ROBO2: variants seen among roughly 807,000 people sequenced by gnomAD.
The protein encoded by ROBO2 is roundabout guidance receptor 2.
Under a neutral mutation model 160.8 loss-of-function variants are expected in ROBO2, and 53 were observed. That is an observed-to-expected ratio of 0.33 (90% CI 0.26 to 0.41). The LOEUF (loss-of-function observed/expected upper bound fraction) is 0.41, where lower values mean the gene tolerates loss of function less well. Ranked by LOEUF, ROBO2 falls within the 10% of genes least tolerant of loss-of-function variation. The pLI is 1.00. For synonymous variants in ROBO2, 664 were observed against 611.7 expected (o/e 1.09, Z -1.26); for missense variants, 1,577 against 1,722.4 (o/e 0.92, Z 1.49).
chr3:76,420,133 C>T (rs574055072), intron 2 of ROBO2, among the ~76,000 whole-genome samples: 10 of 152,106 alleles, frequency 6.6e-5, no homozygotes, highest in African/African-American at 1.9e-4. Flanking sequence ...ACTGTATCAC[C>T]CACTTATTAT....
chr3:76,622,042 G>A (rs1578615979), intron 2 of ROBO2, among the ~76,000 whole-genome samples: 1 of 150,034 alleles, frequency 6.7e-6, no homozygotes, highest in South Asian at 2.1e-4. Context: ...TACTGACCTT[G>A]TATCCTTCTT....
intron 2 of ROBO2, among the ~76,000 whole-genome samples, chr3:77,447,465 A>G (rs1033308910): frequency 2.6e-5 from 4 of 152,098 alleles, no homozygotes; most frequent in Non-Finnish European, 5.9e-5. Flanking sequence ...TTAACTTTTT[A>G]TATACTAAGG....
chr3:77,135,347 T>C (rs2076193820), intron 2 of ROBO2, among the ~76,000 whole-genome samples: 1 of 152,216 alleles, frequency 6.6e-6, no homozygotes, highest in Non-Finnish European at 1.5e-5. Context: ...GTATGTCTTA[T>C]TGTGATCTCT....
intron 2 of ROBO2, among the ~76,000 whole-genome samples, chr3:76,005,716 T>A (rs537452223): frequency 7.2e-5 from 11 of 152,142 alleles, no homozygotes; most frequent in Non-Finnish European, 1.6e-4. Context: ...TGATCAATAC[T>A]TGAACAATAT....
At chr3:76,688,199 T>C (rs1029590581) in intron 2 of ROBO2, among the ~76,000 whole-genome samples, 1 of 152,048 alleles carries the variant, frequency 6.6e-6, no homozygotes, top group Non-Finnish European at 1.5e-5. Context: ...TGGCAAATAA[T>C]CTATCATAGC....
intron 2 of ROBO2, among the ~76,000 whole-genome samples, chr3:76,732,116 T>G (rs947594274): frequency 6.6e-6 from 1 of 152,140 alleles, no homozygotes; most frequent in African/African-American, 2.4e-5. Context: ...AATGGCTTAC[T>G]GTGACTTTGA....
chr3:77,223,828 TTTA>T (rs1580153536), intron 2 of ROBO2, among the ~76,000 whole-genome samples: 1 of 151,758 alleles, frequency 6.6e-6, no homozygotes, highest in East Asian at 1.9e-4. Flanking sequence ...GTTTGGATTG[TTTA>T]TTTTAATAAA....
At position 77,180,412 on chromosome 3, in the gene ROBO2, C is replaced by A. The variant is rs371314221; in HGVS notation, c.388+82072C>A. 8.1e-3 allele frequency among the ~76,000 whole-genome samples: 756 copies of A among 93,736 alleles called. 4 individuals are homozygous for A. The highest frequency in any genetic ancestry group is 0.023 in the African/African-American group (635 of 27,086). The allele number at this position is 93,736 out of a possible 152,430, so 61.5% of individuals were successfully genotyped here. On this transcript the variant is annotated intron_variant, in intron 2 of 25. Transcript: ENST00000461745. ...ATTCTCTCTCTCTCTCTCTCTCTCT[C>A]TCTCTATATATATATATATGTATTT... is the stretch of plus-strand genomic sequence containing the variant.
intron 2 of ROBO2, among the ~76,000 whole-genome samples, chr3:77,272,046 G>A (rs1452731200): frequency 6.6e-6 from 1 of 152,118 alleles, no homozygotes; most frequent in East Asian, 1.9e-4. Flanking sequence ...AGCACAGGTG[G>A]CTATAATTTT....
intron 2 of ROBO2, among the ~76,000 whole-genome samples, chr3:76,335,151 G>A (rs576532887): frequency 2.0e-5 from 3 of 148,270 alleles, no homozygotes; most frequent in Admixed American, 6.7e-5. Context: ...GCAGGCATGA[G>A]CCACCACATC....
chr3:76,742,745 C>T (rs985436907), intron 2 of ROBO2, among the ~76,000 whole-genome samples: 3 of 151,716 alleles, frequency 2.0e-5, no homozygotes, highest in Non-Finnish European at 4.4e-5. Context: ...TTTTTATTTG[C>T]TTTGGTTCAC....
At chr3:76,582,161 C>T (rs1490711299) in intron 2 of ROBO2, among the ~76,000 whole-genome samples, 1 of 152,092 alleles carries the variant, frequency 6.6e-6, no homozygotes, top group Non-Finnish European at 1.5e-5. Flanking sequence ...AGTTGGAGTT[C>T]CTTAAAGAGA....
chr3:76,257,004 G>C (rs1454863340), intron 2 of ROBO2, among the ~76,000 whole-genome samples: 2 of 152,106 alleles, frequency 1.3e-5, no homozygotes, highest in East Asian at 3.9e-4. Flanking sequence ...AGGACAGCAT[G>C]AAGTCATGAG....
intron 2 of ROBO2, among the ~76,000 whole-genome samples, chr3:76,317,709 A>G (rs1397119454): frequency 6.6e-6 from 1 of 152,134 alleles, no homozygotes; most frequent in African/African-American, 2.4e-5. Flanking sequence ...TGTTTTTTCT[A>G]TATGTTCAAA....
At chr3:77,242,933 GAA>G (rs2151381963) in intron 2 of ROBO2, among the ~76,000 whole-genome samples, 1 of 151,456 alleles carries the variant, frequency 6.6e-6, no homozygotes, top group African/African-American at 2.4e-5. Flanking sequence ...ATCAGAAAAG[GAA>G]AGAGAGAGAG....
At chr3:77,102,232 G>A (rs919354982) in intron 2 of ROBO2, among the ~76,000 whole-genome samples, 2 of 152,150 alleles carry the variant, frequency 1.3e-5, no homozygotes, top group Non-Finnish European at 2.9e-5. Context: ...TGGAGAATTA[G>A]AGCAGGGTAC....
chr3:76,486,782 T>C (rs546357913), intron 2 of ROBO2, among the ~76,000 whole-genome samples: 2 of 152,218 alleles, frequency 1.3e-5, no homozygotes, highest in Non-Finnish European at 2.9e-5. Context: ...ATTATTATTC[T>C]TTCTCTCCAT....
chr3:77,516,942 A>T (rs528636848), intron 5 of ROBO2, among the ~76,000 whole-genome samples: 1 of 151,606 alleles, frequency 6.6e-6, no homozygotes, highest in Non-Finnish European at 1.5e-5. Context: ...ATAAGCATTC[A>T]TTGAACGCCT....
At chr3:77,035,321 A>G (rs528127914), upstream of ROBO2, among the ~76,000 whole-genome samples, 2 of 152,076 alleles carry the variant, frequency 1.3e-5, no homozygotes, top group Admixed American at 6.5e-5. Flanking sequence ...ATTTTAAGGT[A>G]TACACAATTA....
Sources: allele counts gnomAD v4.1 joint callset (sites outside exome capture counted in the v4.1 genomes callset), GRCh38; gene constraint gnomAD v4.1.1; transcripts MANE v1.5; gene names NCBI Gene and HGNC (gene_info 2026-07-23, HGNC 2026-07-21).